INO80: variants seen among roughly 807,000 people sequenced by gnomAD.
INO80 encodes the protein chromatin-remodeling ATPase INO80.
INO80 carries 20 observed loss-of-function variants against 203.4 expected under a neutral mutation model. The ratio of observed to expected loss-of-function variants is 0.10; its 90% CI spans 0.07 to 0.14. The LOEUF (loss-of-function observed/expected upper bound fraction) is 0.14, where lower values mean the gene tolerates loss of function less well. Among genes scored for constraint, INO80 ranks in the 10% least tolerant of loss-of-function variants. The pLI is 1.00. For synonymous variants in INO80, 726 were observed against 685.2 expected (o/e 1.06, Z -0.93); for missense variants, 1,419 against 1,914.4 (o/e 0.74, Z 4.83).
intron 25 of INO80, chr15:41,023,148 CT>C (rs2044320108): frequency 2.8e-6 from 1 of 359,878 alleles, no homozygotes; most frequent in Non-Finnish European, 5.4e-6. Context: ...TGTTTTCTTG[CT>C]TCCAACTTAT....
At chr15:40,996,574 T>C (rs1287698869) in intron 29 of INO80, among the ~76,000 whole-genome samples, 1 of 151,996 alleles carries the variant, frequency 6.6e-6, no homozygotes, top group Non-Finnish European at 1.5e-5. Flanking sequence ...TCCACCCGCC[T>C]TGGCCTCCCA....
intron 1 of INO80, among the ~76,000 whole-genome samples, chr15:41,099,179 A>C (rs1384579976): frequency 1.4e-5 from 2 of 141,994 alleles, no homozygotes; most frequent in East Asian, 4.4e-4. Flanking sequence ...CAGGAAGTCA[A>C]GGCTGCAGTG....
intron 29 of INO80, among the ~76,000 whole-genome samples, chr15:40,991,924 T>C (rs4924532): frequency 0.57 from 86,133 of 151,816 alleles, 24,566 homozygotes; most frequent in East Asian, 0.7. Context: ...ACTACAGGCG[T>C]CCGCCACCAT....
At chr15:41,109,971 T>C (rs2045935765) in intron 1 of INO80, among the ~76,000 whole-genome samples, 1 of 149,482 alleles carries the variant, frequency 6.7e-6, no homozygotes, top group African/African-American at 2.5e-5. Flanking sequence ...GATGGGTGGC[T>C]GTAATCCCAG....
At chr15:41,025,584 A>G (rs1047803073) in intron 25 of INO80, among the ~76,000 whole-genome samples, 1 of 152,068 alleles carries the variant, frequency 6.6e-6, no homozygotes, top group African/African-American at 2.4e-5. Context: ...GCGTGATGGC[A>G]TGCACCTGTA....
At chr15:41,067,193 C>T (rs1343934940) in intron 14 of INO80, among the ~76,000 whole-genome samples, 1 of 152,092 alleles carries the variant, frequency 6.6e-6, no homozygotes, top group Non-Finnish European at 1.5e-5. Flanking sequence ...TTTCCTGCCT[C>T]AGCCTCCCGA....
chr15:41,016,149 T>C lies in INO80; in HGVS notation c.3341A>G (p.Lys1114Arg). ...YALDVLLTRL[K>R]SQGHRVLIYS... ...GATAAGGACCCTATGCCCTTGAGAC[T>C]TGAGCCGAGTCAGCAGGACATCAAG... Residue 1114 changes from lysine (K) to arginine (R), a missense_variant, in exon 27 of 36, where the codon AAG becomes AGG. Transcript: ENST00000648947. The C allele has an allele frequency of 1.2e-6, 2 of 1,613,496 alleles. No individual in the cohort carries two copies. Among genetic ancestry groups the C allele is most frequent in the Non-Finnish European group, 1.7e-6 (2 of 1,179,462 alleles).
chr15:40,983,084 G>A lies in INO80; in HGVS notation c.4238-7C>T, dbSNP rs1227158529. ...ATTTCCTGAATGGAAATTCCTGTGG[G>A]AACAAATGGGCCAAAAGGGAAAGAA... is the stretch of plus-strand genomic sequence containing the variant. On this transcript the variant is annotated splice_region_variant and splice_polypyrimidine_tract_variant and intron_variant, in intron 34 of 35. Coordinates refer to ENST00000648947, the MANE Select transcript of INO80 (RefSeq NM_017553.3). 1 of 1,601,640 alleles carries A rather than the reference G, an allele frequency of 6.2e-7. No homozygotes were observed.
At chr15:40,997,408 T>C (rs543625578) in intron 29 of INO80, 121 bp downstream of exon 29, 4 of 662,030 alleles carry the variant, frequency 6.0e-6, no homozygotes, top group Non-Finnish European at 1.1e-5. Flanking sequence ...AATAAAAAGT[T>C]TGCAAGTTTG....
intron 23 of INO80, among the ~76,000 whole-genome samples, chr15:41,045,328 C>A (rs1377336804): frequency 2.0e-5 from 3 of 152,128 alleles, no homozygotes; most frequent in Non-Finnish European, 4.4e-5. Flanking sequence ...GTGGCTCACG[C>A]CTGTAATTTC....
At chr15:40,991,460 C>G (rs2043816003) in intron 29 of INO80, among the ~76,000 whole-genome samples, 1 of 152,004 alleles carries the variant, frequency 6.6e-6, no homozygotes, top group African/African-American at 2.4e-5. Flanking sequence ...CACTGTGGAA[C>G]AGGGATGATG....
In INO80 at chr15:41,064,734, C is replaced by T. The variant is rs543088508; in HGVS notation, c.1783-4808G>A. ...AAAGCTGGCTGGGCATGGTGGCTAA[C>T]GTCTGTAATCCAAGCAGTTTGAGAA... On this transcript the variant is annotated intron_variant, in intron 14 of 35. Transcript: ENST00000648947. 5.9e-5 allele frequency among the ~76,000 whole-genome samples: 9 copies of T among 152,282 alleles called. No individual in the cohort carries two copies. The East Asian group carries it at 1.7e-3, about 29-fold the overall frequency.
In INO80 at chr15:41,005,375, A is replaced by G. The variant is rs74717398; in HGVS notation, c.3497+218T>C. On this transcript the variant is annotated intron_variant, in intron 28 of 35. Coordinates refer to ENST00000648947, the MANE Select transcript of INO80 (RefSeq NM_017553.3). ...TGGTGTCATAAGAAAGCATACTTCA[A>G]ACATACAAACTATCAGGTATATTCT... 6.0e-4 allele frequency: 263 copies of G among 440,416 alleles called. 2 individuals are homozygous for G. In the East Asian group the frequency reaches 8.1e-3, roughly 14 times the overall value. 27.3% of individuals were successfully genotyped at this position (440,416 alleles called of 1,614,324 possible).
chr15:41,091,903 C>T lies in INO80; in HGVS notation c.537+124G>A, dbSNP rs189170483. ...TCTTGACCTCATGATCCGCCCGCCT[C>T]GTCCTCCCAAAGTGCTGGGATTATA... On this transcript the variant is annotated intron_variant, in intron 5 of 35. Transcript: ENST00000648947. 46 of 689,170 alleles carry T rather than the reference C, an allele frequency of 6.7e-5. No individual in the cohort carries two copies. The East Asian group carries it at 9.7e-4, about 15-fold the overall frequency. The allele number at this position is 689,170 out of a possible 1,614,324, so 42.7% of individuals were successfully genotyped here.
intron 4 of INO80, among the ~76,000 whole-genome samples, chr15:41,095,294 T>C (rs1056036502): frequency 6.6e-6 from 1 of 152,188 alleles, no homozygotes; most frequent in Non-Finnish European, 1.5e-5. Context: ...TGAGCTGAGA[T>C]CATGCCATTG....
At chr15:41,028,578 G>A (rs771850605) in intron 24 of INO80, among the ~76,000 whole-genome samples, 7 of 152,072 alleles carry the variant, frequency 4.6e-5, no homozygotes, top group Non-Finnish European at 8.8e-5. Flanking sequence ...TATATTTATT[G>A]TTCACTTATG....
intron 7 of INO80, among the ~76,000 whole-genome samples, chr15:41,084,742 AAAAT>A (rs1465750365): frequency 3.0e-4 from 46 of 152,208 alleles, no homozygotes; most frequent in African/African-American, 1.1e-3. Context: ...TTTTTGAGAT[AAAAT>A]AAATAAATAT....
At chr15:41,035,114 C>A (rs1034804725) in intron 24 of INO80, among the ~76,000 whole-genome samples, 3 of 152,158 alleles carry the variant, frequency 2.0e-5, no homozygotes, top group Admixed American at 2.0e-4. Context: ...GGATAGAGTC[C>A]AAAATCCTTT....
chr15:41,073,432 G>C lies in INO80; in HGVS notation c.1391C>G (p.Ala464Gly), dbSNP rs1403460523. The C allele has an allele frequency of 4.3e-6, 7 of 1,613,450 alleles. No homozygotes were observed. Among genetic ancestry groups the C allele is most frequent in the Non-Finnish European group, 4.2e-6 (5 of 1,179,520 alleles). Residue 464 changes from alanine (A) to glycine (G), a missense_variant, in exon 11 of 36, where the codon GCT (alanine) becomes GGT (glycine). Ala to Gly is a moderately conservative substitution (Grantham distance 60). Around this residue, in one of 9 missense-constraint regions of INO80, gnomAD observed 116 missense variants for 119.5 expected, o/e 0.97. Transcript: ENST00000648947. The part of the protein sequence containing the change: ...NAENAYHIHQ[A>G]RTRSFDEDAK... The stretch of plus-strand genomic sequence containing the variant: ...CCTTTCTATCTGAAGACTCACCCGA[G>C]CTTGGTGAATATGGTAAGCATTTTC...
Sources: allele counts gnomAD v4.1 joint callset (sites outside exome capture counted in the v4.1 genomes callset), GRCh38; gene constraint gnomAD v4.1.1; regional missense constraint gnomAD v4.1.1; transcripts MANE v1.5; gene names NCBI Gene and HGNC (gene_info 2026-07-23, HGNC 2026-07-21).